TLL1: variants seen among roughly 807,000 people sequenced by gnomAD.
TLL1 encodes the protein tolloid-like protein 1.
In TLL1, 49 loss-of-function variants were observed where a neutral mutation model predicts 128.2. The observed-to-expected ratio is 0.38, with a 90% confidence interval of 0.30 to 0.48. The LOEUF is 0.48. Among genes scored for constraint, TLL1 ranks in the 20% least tolerant of loss-of-function variants. The pLI is 0.96. For missense variants in TLL1, 1,123 were observed against 1,242.0 expected, an observed-to-expected ratio of 0.90 and a Z score of 1.44; for synonymous variants, 454 against 418.8, an observed-to-expected ratio of 1.08 and a Z score of -1.03.
chr4:166,100,628 G>T, intron 20 of TLL1, 114 bp from the exon 21 acceptor site: 2 of 1,378,982 alleles, frequency 1.5e-6, no homozygotes, highest in South Asian at 2.3e-5. Flanking sequence ...CAAGGTTGTT[G>T]GGAGGATTAA....
intron 1 of TLL1, among the ~76,000 whole-genome samples, chr4:165,980,545 C>CA (rs1736108704): frequency 6.6e-6 from 1 of 152,100 alleles, no homozygotes; most frequent in African/African-American, 2.4e-5. Flanking sequence ...AGAAATAACT[C>CA]AGAGTTGTAT....
intron 18 of TLL1, among the ~76,000 whole-genome samples, chr4:166,082,497 T>G (rs79824579): frequency 0.064 from 9,737 of 152,170 alleles, 526 homozygotes; most frequent in African/African-American, 0.14. Flanking sequence ...TATTATTGCG[T>G]ATATCAGCCA....
At chr4:165,935,025 T>C (rs146723233) in intron 1 of TLL1, among the ~76,000 whole-genome samples, 101 of 152,280 alleles carry the variant, frequency 6.6e-4, no homozygotes, top group South Asian at 2.9e-3. Flanking sequence ...GTAATCAGAG[T>C]AGCAGATAAT....
chr4:166,075,078 A>G, intron 17 of TLL1, 75 bp downstream of exon 17: 1 of 1,587,116 alleles, frequency 6.3e-7, no homozygotes, highest in Non-Finnish European at 8.6e-7. Context: ...GCTTCCAAGT[A>G]GAGTTAATCA....
Position 166,060,174 on chromosome 4 carries a change from T to C in TLL1, c.1993T>C (p.Leu665=). The C allele has an allele frequency of 1.9e-6, 3 of 1,613,436 alleles. No homozygotes were observed. The highest frequency in any genetic ancestry group is 2.5e-6 in the Non-Finnish European group (3 of 1,179,768). The change falls in exon 15 of 21, where the codon TTG becomes CTG. Residue 665 remains leucine, a synonymous_variant. Transcript: ENST00000061240. The part of the protein sequence containing the change: ...RISVKFEFFE[L]EGNEVCKYDY... ...TTCTGTGAAGTTTGAGTTTTTTGAATTGGAAGGCAATGAAGTAAGTGAACA... is the reference window on the plus strand; with the variant it reads ...TTCTGTGAAGTTTGAGTTTTTTGAACTGGAAGGCAATGAAGTAAGTGAACA...
chr4:166,024,695 T>C (rs1015170700), intron 8 of TLL1, among the ~76,000 whole-genome samples: 3 of 152,188 alleles, frequency 2.0e-5, no homozygotes. Context: ...ATACACAAAT[T>C]GCTTTTTTAG....
chr4:165,999,247 T>C (rs1338750095), intron 5 of TLL1, among the ~76,000 whole-genome samples: 1 of 152,180 alleles, frequency 6.6e-6, no homozygotes, highest in East Asian at 1.9e-4. Context: ...GTACTAATTT[T>C]TTGTATTAGT....
At position 165,873,848 on chromosome 4, in the gene TLL1, G is replaced by C. The variant is rs199743746; in HGVS notation, c.-57G>C. 2 of 1,605,708 alleles carry C rather than the reference G, an allele frequency of 1.2e-6. No individual in the cohort carries two copies. Among genetic ancestry groups the C allele is most frequent in the Non-Finnish European group, 8.5e-7 (1 of 1,174,862 alleles). On this transcript the variant is annotated 5_prime_UTR_variant, in exon 1 of 21. Coordinates refer to ENST00000061240, the MANE Select transcript of TLL1 (RefSeq NM_012464.5). The stretch of plus-strand genomic sequence containing the variant: ...GCCCCTAGCCCCGCACATCAGCGCG[G>C]ACCGCGGCTGCCTAACCTCTGGGTC...
At position 165,880,464 on chromosome 4, in the gene TLL1, C is replaced by A. The variant is rs963795596; in HGVS notation, c.169+6391C>A. Among the ~76,000 whole-genome samples, 5 of 152,140 alleles carry A rather than the reference C, an allele frequency of 3.3e-5. 1 individual carries two copies. The South Asian group carries it at 1.0e-3, about 32-fold the overall frequency. On this transcript the variant is annotated intron_variant, in intron 1 of 20. Transcript: ENST00000061240. ...TCCATTGTATTTTTTAAAAGAACTT[C>A]TTTGAATGATAGTAATTTTAAAAAG...
At chr4:166,017,407 A>T (rs978816337) in intron 8 of TLL1, among the ~76,000 whole-genome samples, 1 of 151,992 alleles carries the variant, frequency 6.6e-6, no homozygotes, top group East Asian at 1.9e-4. Context: ...ATACCAGTGC[A>T]TGTGTCTTTT....
intron 1 of TLL1, among the ~76,000 whole-genome samples, chr4:165,920,517 A>G (rs1451267260): frequency 6.6e-6 from 1 of 152,218 alleles, no homozygotes; most frequent in Non-Finnish European, 1.5e-5. Context: ...TGGACAATAG[A>G]AATGGTAGAA....
At chr4:165,880,682 T>C (rs1730933178) in intron 1 of TLL1, among the ~76,000 whole-genome samples, 1 of 152,200 alleles carries the variant, frequency 6.6e-6, no homozygotes, top group Admixed American at 6.5e-5. Context: ...ATAAAAGCCA[T>C]ATATTTACTC....
chr4:165,938,973 G>C (rs990074520), intron 1 of TLL1, among the ~76,000 whole-genome samples: 1 of 150,952 alleles, frequency 6.6e-6, no homozygotes, highest in African/African-American at 2.4e-5. Context: ...GATTGTTTTC[G>C]TGTTTCCTCA....
chr4:166,070,456 TTTATAGGCAACCCTG>T (rs1740762802), intron 16 of TLL1, among the ~76,000 whole-genome samples: 1 of 151,984 alleles, frequency 6.6e-6, no homozygotes, highest in Non-Finnish European at 1.5e-5. Context: ...CATTCTGCCT[TTTATAGGCAACCCTG>T]TATTAATGAA....
chr4:165,950,775 G>T (rs1175008086), intron 1 of TLL1, among the ~76,000 whole-genome samples: 1 of 151,930 alleles, frequency 6.6e-6, no homozygotes, highest in Non-Finnish European at 1.5e-5. Context: ...CAGTTCTTAG[G>T]GGAGAATTTA....
At chr4:165,994,332 C>T (rs1298961769) in intron 3 of TLL1, 49 bp from the exon 4 acceptor site, 4 of 1,611,588 alleles carry the variant, frequency 2.5e-6, no homozygotes, top group Non-Finnish European at 3.4e-6. Context: ...GTAAATGATT[C>T]CCTGACCAAG....
intron 18 of TLL1, among the ~76,000 whole-genome samples, chr4:166,081,056 A>G (rs1270530389): frequency 2.0e-5 from 3 of 151,598 alleles, no homozygotes; most frequent in Non-Finnish European, 4.4e-5. Flanking sequence ...CAGTGATCCT[A>G]TTTCTTCTCT....
chr4:165,913,658 G>C (rs2110876266), intron 1 of TLL1, among the ~76,000 whole-genome samples: 1 of 152,246 alleles, frequency 6.6e-6, no homozygotes, highest in Non-Finnish European at 1.5e-5. Flanking sequence ...TACTATGTAA[G>C]ACAGTTATAT....
At chr4:166,089,126 G>C (rs1392786232) in intron 18 of TLL1, among the ~76,000 whole-genome samples, 2 of 152,070 alleles carry the variant, frequency 1.3e-5, no homozygotes, top group East Asian at 1.9e-4. Context: ...AGAGATACTT[G>C]CTCAACATGC....
Sources: allele counts gnomAD v4.1 joint callset (sites outside exome capture counted in the v4.1 genomes callset), GRCh38; gene constraint gnomAD v4.1.1; transcripts MANE v1.5; gene names NCBI Gene and HGNC (gene_info 2026-07-23, HGNC 2026-07-21).